KLHL15: variants seen among roughly 807,000 people sequenced by gnomAD.
KLHL15 encodes kelch like family member 15.
Under a neutral mutation model 29.3 loss-of-function variants are expected in KLHL15, and 1 was observed. The observed-to-expected ratio is 0.03, with a 90% CI of 0.01 to 0.16. KLHL15 has a LOEUF of 0.16. KLHL15 is among the 10% of genes least tolerant of loss of function. The pLI is 1.00. For synonymous variants in KLHL15, 212 were observed against 184.5 expected (o/e 1.15, Z -1.21); for missense variants, 215 against 478.5 (o/e 0.45, Z 5.14).
At chrX:24,018,171 C>T (rs1299136713) in intron 2 of KLHL15, among the ~76,000 whole-genome samples, 1 of 111,790 alleles carries the variant, frequency 8.9e-6, no homozygotes, top group East Asian at 2.8e-4. Context: ...AACTACTTTG[C>T]AATGGCAGAG....
intron 2 of KLHL15, among the ~76,000 whole-genome samples, chrX:24,024,102 A>T (rs1472522837): frequency 8.9e-6 from 1 of 112,182 alleles, no homozygotes; most frequent in Non-Finnish European, 1.9e-5. Flanking sequence ...GCCTAGAACG[A>T]TGAAAAGCAA....
At chrX:23,998,832 T>C (rs1045440053) in intron 3 of KLHL15, among the ~76,000 whole-genome samples, 2 of 112,195 alleles carry the variant, frequency 1.8e-5, no homozygotes, top group Admixed American at 1.9e-4. Context: ...CCAGACTCTC[T>C]GATCCTTTTC....
chrX:24,005,657 GATGAA>G (rs1449948152), intron 3 of KLHL15, among the ~76,000 whole-genome samples: 11 of 111,956 alleles, frequency 9.8e-5, no homozygotes, highest in African/African-American at 1.9e-4. Flanking sequence ...CGATTTAATT[GATGAA>G]ATGAAAAGAA....
At position 24,006,593 on chromosome X, in the gene KLHL15, G is replaced by T; in HGVS notation, c.101C>A (p.Thr34Asn). Residue 34 changes from threonine to asparagine, a missense_variant, in exon 3 of 4, where the codon ACT (threonine) becomes AAT (asparagine). Coordinates refer to ENST00000328046, the MANE Select transcript of KLHL15 (RefSeq NM_030624.3). Reference protein sequence around the residue: ...LYEEGLLLDVTLVIEDHQFQA... With the variant: ...LYEEGLLLDVNLVIEDHQFQA... ...GAACTGATGATCTTCAATAACCAGA[G>T]TGACATCAAGAAGCAATCCCTCCTC... is the stretch of plus-strand genomic sequence containing the variant. The T allele has an allele frequency of 8.3e-7, 1 of 1,210,809 alleles. No individual in the cohort carries two copies. Among genetic ancestry groups the T allele is most frequent in the Non-Finnish European group, 1.1e-6 (1 of 895,018 alleles).
intron 2 of KLHL15, among the ~76,000 whole-genome samples, 181 bp downstream of exon 2, chrX:24,024,672 GCTCT>G (rs1211871913): frequency 4.4e-5 from 5 of 112,623 alleles, no homozygotes; most frequent in African/African-American, 6.4e-5. Flanking sequence ...TTTCTTTCTC[GCTCT>G]CTCTGGAAAA....
At chrX:23,996,528 TG>T (rs897159648) in intron 3 of KLHL15, among the ~76,000 whole-genome samples, 1 of 110,819 alleles carries the variant, frequency 9.0e-6, no homozygotes, top group African/African-American at 3.3e-5. Context: ...CTGGGCGTGG[TG>T]GGGGGCACCT....
rs1173565203 is a variant in KLHL15 at position 24,007,491 on chromosome X, CAAAAAA to C, written c.-7-797_-7-792del. ...CTGGGAGACAGCAAGACCCCATTTC[CAAAAAA>C]AAAAAAAAAAAATATATATATATAT... On this transcript the variant is annotated intron_variant, in intron 2 of 3. Coordinates refer to ENST00000328046, the MANE Select transcript of KLHL15 (RefSeq NM_030624.3). Among the ~76,000 whole-genome samples the C allele has an allele frequency of 2.3e-3, 142 of 62,309 alleles. 1 individual carries two copies. The highest frequency in any genetic ancestry group is 0.01 in the African/African-American group (139 of 13,506). The allele number at this position is 62,309 out of a possible 115,157, so 54.1% of individuals were successfully genotyped here.
chrX:23,984,210 T>C lies in KLHL15; in HGVS notation c.*3711A>G, dbSNP rs41311497. The C allele has an allele frequency of 0.097, 10,862 of 111,844 alleles. 523 individuals are homozygous for C. Among genetic ancestry groups the C allele is most frequent in the South Asian group, 0.22 (593 of 2,720 alleles). The allele number at this position is 111,844 out of a possible 1,213,427, so 9.2% of individuals were successfully genotyped here. ...TCTCCTCAATGTTACTTGTGTAATA[T>C]TGAAGTTATACGGTGTACTGAAAGG... On this transcript the variant is annotated 3_prime_UTR_variant, in exon 4 of 4. Coordinates refer to ENST00000328046, the MANE Select transcript of KLHL15 (RefSeq NM_030624.3).
chrX:24,008,633 C>G (rs779564892), intron 2 of KLHL15, among the ~76,000 whole-genome samples: 7 of 110,450 alleles, frequency 6.3e-5, no homozygotes, highest in African/African-American at 1.7e-4. Flanking sequence ...AATTCTCATC[C>G]TTACACAGCT....
chrX:24,025,056 G>A lies in KLHL15; in HGVS notation c.-207C>T, dbSNP rs1929893179. The stretch of plus-strand genomic sequence containing the variant: ...CTCGCCTGCAGCCCCCTCTGGATAA[G>A]TCCTGGGAAAGAAGACAGCGCTGAG... On this transcript the variant is annotated splice_region_variant and 5_prime_UTR_variant, in exon 2 of 4. Coordinates refer to ENST00000328046, the MANE Select transcript of KLHL15 (RefSeq NM_030624.3). The A allele has an allele frequency of 6.7e-6, 2 of 297,554 alleles. No homozygotes were observed. The highest frequency in any genetic ancestry group is 9.5e-5 in the East Asian group (2 of 21,045). The allele number at this position is 297,554 out of a possible 1,213,427, so 24.5% of individuals were successfully genotyped here.
intron 3 of KLHL15, among the ~76,000 whole-genome samples, chrX:23,990,771 C>T (rs1349476067): frequency 9.1e-6 from 1 of 110,245 alleles, no homozygotes; most frequent in Non-Finnish European, 1.9e-5. Context: ...AGCTTCCTCC[C>T]CCCCCTTCCT....
chrX:24,013,599 G>C (rs775105957), intron 2 of KLHL15, among the ~76,000 whole-genome samples: 9 of 111,416 alleles, frequency 8.1e-5, no homozygotes, highest in Non-Finnish European at 1.7e-4. Flanking sequence ...AATGAGCTTA[G>C]AATTTTCCTA....
At chrX:23,993,000 A>C (rs1418424448) in intron 3 of KLHL15, among the ~76,000 whole-genome samples, 1 of 111,748 alleles carries the variant, frequency 8.9e-6, no homozygotes, top group African/African-American at 3.3e-5. Flanking sequence ...TGGTTAATGT[A>C]ATATTAACAA....
At chrX:24,001,989 C>T (rs898394857) in intron 3 of KLHL15, among the ~76,000 whole-genome samples, 3 of 102,844 alleles carry the variant, frequency 2.9e-5, no homozygotes, top group Non-Finnish European at 4.0e-5. Context: ...AAAACTTAGC[C>T]GGGCGTGGTG....
chrX:24,003,075 A>C (rs935288864), intron 3 of KLHL15, among the ~76,000 whole-genome samples: 1 of 112,509 alleles, frequency 8.9e-6, no homozygotes, highest in African/African-American at 3.2e-5. Context: ...GCTAGGCCAC[A>C]GGTTAACAGC....
At chrX:24,008,766 G>A (rs1341358620) in intron 2 of KLHL15, among the ~76,000 whole-genome samples, 1 of 106,292 alleles carries the variant, frequency 9.4e-6, no homozygotes, top group Non-Finnish European at 1.9e-5. Context: ...GTTGGTCACA[G>A]AAAGTTCCCT....
intron 2 of KLHL15, among the ~76,000 whole-genome samples, chrX:24,014,223 T>C (rs1017394489): frequency 9.0e-6 from 1 of 111,665 alleles, no homozygotes; most frequent in African/African-American, 3.3e-5. Context: ...GCCTGGGCAG[T>C]AGAACAAGAC....
At chrX:24,020,326 G>A (rs1929777779) in intron 2 of KLHL15, among the ~76,000 whole-genome samples, 2 of 111,953 alleles carry the variant, frequency 1.8e-5, no homozygotes, top group South Asian at 3.6e-4. Context: ...CTCTATTAGC[G>A]GTCACTTTAC....
intron 2 of KLHL15, among the ~76,000 whole-genome samples, chrX:24,007,822 C>T (rs2147105324): frequency 9.2e-6 from 1 of 108,792 alleles, no homozygotes; most frequent in South Asian, 3.8e-4. Context: ...TTCAAAAGTC[C>T]AATAACAAAT....
Sources: allele counts gnomAD v4.1 joint callset (sites outside exome capture counted in the v4.1 genomes callset), GRCh38; gene constraint gnomAD v4.1.1; transcripts MANE v1.5; gene names NCBI Gene and HGNC (gene_info 2026-07-23, HGNC 2026-07-21).